Variants in HSBP1 observed in about 807,000 individuals in gnomAD.
The protein encoded by HSBP1 is heat shock factor binding protein 1.
In HSBP1, 5 loss-of-function variants were observed where a neutral mutation model predicts 9.6. The observed-to-expected ratio is 0.52, with a 90% CI of 0.27 to 1.09. The LOEUF (loss-of-function observed/expected upper bound fraction) is 1.09. Ranked by LOEUF, HSBP1 falls within the 50% of genes least tolerant of loss-of-function variation. The pLI, the probability that HSBP1 is intolerant of heterozygous loss-of-function variation, is 0.11. For synonymous variants in HSBP1, 42 were observed against 33.3 expected (o/e 1.26, Z -0.90); for missense variants, 121 against 96.3 (o/e 1.26, Z -1.07).
Position 83,808,724 on chromosome 16 carries a change from G to A in HSBP1, c.90G>A (p.Met30Ile). 6.2e-7 allele frequency: 1 copy of A among 1,612,540 alleles called. No individual in the cohort carries two copies. The highest frequency in any genetic ancestry group is 8.5e-7 in the Non-Finnish European group (1 of 1,178,816). ...AGATGCAAGATAAATTTCAGACCAT[G>A]TCTGACCAGATCATTGGGAGAAATA... ...LQQMQDKFQT[M>I]SDQIIGRIDD... Residue 30 changes from methionine to isoleucine, a missense_variant, in exon 2 of 4, where the codon ATG becomes ATA. Physicochemically the swap from Met to Ile is conservative, Grantham distance 10. Coordinates refer to ENST00000433866, the MANE Select transcript of HSBP1 (RefSeq NM_001537.4).
In HSBP1 at chr16:83,812,790, T is replaced by C. The variant is rs1348543241; in HGVS notation, c.*1372T>C. On this transcript the variant is annotated 3_prime_UTR_variant, in exon 4 of 4. Transcript: ENST00000433866. ...CGAATGCCCCACACACACTGCAGCATTGACCAGACCATCCGAAACCTGCGT... is the reference window on the plus strand; with the variant it reads ...CGAATGCCCCACACACACTGCAGCACTGACCAGACCATCCGAAACCTGCGT... 1 of 152,306 alleles carries C rather than the reference T, an allele frequency of 6.6e-6. No homozygotes were observed. Among genetic ancestry groups the C allele is most frequent in the Non-Finnish European group, 1.5e-5 (1 of 68,118 alleles). 9.4% of individuals were successfully genotyped at this position (152,306 alleles called of 1,614,324 possible). A position where few individuals can be genotyped will look rare whatever the true frequency, so the allele number is the denominator to read the frequency against.
At chr16:83,811,280 A>G (rs1904595331) in intron 3 of HSBP1, 141 bp from the exon 4 acceptor site, 1 of 152,224 alleles carries the variant, frequency 6.6e-6, no homozygotes, top group South Asian at 2.1e-4. Context: ...AGTTAAATCT[A>G]TTGCTAAAAT....
rs148507169 is a variant in HSBP1 at position 83,817,557 on chromosome 16, G to T, written c.*6139G>T. ...GCTGGAATTCATCTCCCTCTAATCA[G>T]CCTTCAAAACCTCCATTTGTAAACC... On this transcript the variant is annotated 3_prime_UTR_variant, in exon 4 of 4. Coordinates refer to ENST00000433866, the MANE Select transcript of HSBP1 (RefSeq NM_001537.4). 1.1e-3 allele frequency: 172 copies of T among 152,216 alleles called. 1 individual carries two copies. Among genetic ancestry groups the T allele is most frequent in the African/African-American group, 3.8e-3 (156 of 41,520 alleles). 9.4% of individuals were successfully genotyped at this position (152,216 alleles called of 1,614,324 possible). A position where few individuals can be genotyped will look rare whatever the true frequency, so the allele number is the denominator to read the frequency against.
chr16:83,809,220 C>T (rs1904538501), intron 2 of HSBP1, 85 bp from the exon 3 acceptor site: 1 of 812,878 alleles, frequency 1.2e-6, no homozygotes, highest in Non-Finnish European at 2.0e-6. Context: ...TCCCTAAAGT[C>T]GTTGTGTTTA....
chr16:83,808,636 C>T (rs751216700), intron 1 of HSBP1, 44 bp from the exon 2 acceptor site: 2 of 1,524,586 alleles, frequency 1.3e-6, no homozygotes, highest in Middle Eastern at 1.7e-4. Context: ...GAAGTTGTCT[C>T]AGGATCGATG....
Position 83,812,657 on chromosome 16 carries a change from A to G in HSBP1, c.*1239A>G, listed in dbSNP as rs1166884612. ...GCTGTATACAAATTACATGGGGAAC[A>G]TAAAGGAGTGAGATCCTTCTGTGAT... On this transcript the variant is annotated 3_prime_UTR_variant, in exon 4 of 4. Transcript: ENST00000433866. 1.3e-5 allele frequency: 2 copies of G among 152,246 alleles called. No individual in the cohort carries two copies. Among genetic ancestry groups the G allele is most frequent in the Non-Finnish European group, 2.9e-5 (2 of 68,050 alleles). 9.4% of individuals were successfully genotyped at this position (152,246 alleles called of 1,614,324 possible).
At chr16:83,808,531 C>T (rs1272927699) in intron 1 of HSBP1, 149 bp from the exon 2 acceptor site, 2 of 618,590 alleles carry the variant, frequency 3.2e-6, no homozygotes, top group Admixed American at 2.9e-5. Context: ...AAAACGGAAG[C>T]CCAGAGAAGG....
rs575135495 is a variant in HSBP1 at position 83,815,981 on chromosome 16, C to T, written c.*4563C>T. 2.0e-5 allele frequency: 3 copies of T among 152,264 alleles called. No homozygotes were observed. The East Asian group carries it at 5.8e-4, about 29-fold the overall frequency. The allele number at this position is 152,264 out of a possible 1,614,324, so 9.4% of individuals were successfully genotyped here. On this transcript the variant is annotated 3_prime_UTR_variant, in exon 4 of 4. Coordinates refer to ENST00000433866, the MANE Select transcript of HSBP1 (RefSeq NM_001537.4). ...GATTCAGGATCCAGCAGCTTAGAAG[C>T]GTTTAGCTACCAATAGCAAAAATCA...
chr16:83,818,778 A>G lies in HSBP1; in HGVS notation c.*7360A>G, dbSNP rs775798726. 10 of 152,142 alleles carry G rather than the reference A, an allele frequency of 6.6e-5. No individual in the cohort carries two copies. The highest frequency in any genetic ancestry group is 1.2e-4 in the Non-Finnish European group (8 of 68,018). The allele number at this position is 152,142 out of a possible 1,614,324, so 9.4% of individuals were successfully genotyped here. On this transcript the variant is annotated 3_prime_UTR_variant, in exon 4 of 4. Coordinates refer to ENST00000433866, the MANE Select transcript of HSBP1 (RefSeq NM_001537.4). Reference sequence around the variant, plus strand: ...GGCAGAATTCATTCTCCTGCTCTCTACTGGGACTTGTTTTCCATAATTGGT... The same window carrying G: ...GGCAGAATTCATTCTCCTGCTCTCTGCTGGGACTTGTTTTCCATAATTGGT...
rs1243151038 is a variant in HSBP1, at chr16:83,813,288, T to C, written c.*1870T>C. ...TCACTTGGGTTTAGACGACATTCTG[T>C]GAACCTCATGAAGAAATTAGCATAT... On this transcript the variant is annotated 3_prime_UTR_variant, in exon 4 of 4. Coordinates refer to ENST00000433866, the MANE Select transcript of HSBP1 (RefSeq NM_001537.4). 1 of 152,230 alleles carries C rather than the reference T, an allele frequency of 6.6e-6. No homozygotes were observed. The highest frequency in any genetic ancestry group is 2.4e-5 in the African/African-American group (1 of 41,438). The allele number at this position is 152,230 out of a possible 1,614,324, so 9.4% of individuals were successfully genotyped here. A position where few individuals can be genotyped will look rare whatever the true frequency, so the allele number is the denominator to read the frequency against.
intron 3 of HSBP1, 39 bp from the exon 4 acceptor site, chr16:83,811,382 T>C (rs1904597616): frequency 6.6e-6 from 1 of 152,264 alleles, no homozygotes; most frequent in Admixed American, 6.5e-5. Context: ...TGTGCTCATA[T>C]AATGAAAAAC....
At chr16:83,809,171 A>G (rs567979198) in intron 2 of HSBP1, 134 bp from the exon 3 acceptor site, 1 of 630,700 alleles carries the variant, frequency 1.6e-6, no homozygotes, top group Non-Finnish European at 2.8e-6. Flanking sequence ...CTTACCCACC[A>G]GCGTGTAACA....
chr16:83,809,137 AGCCATG>A (rs1444282840), intron 2 of HSBP1, 162 bp from the exon 3 acceptor site: 1 of 572,040 alleles, frequency 1.7e-6, no homozygotes, highest in Non-Finnish European at 3.1e-6. Flanking sequence ...GATGCGGGGT[AGCCATG>A]CCCCACAGTC....
intron 3 of HSBP1, 42 bp from the exon 4 acceptor site, chr16:83,811,379 A>T (rs1055173743): frequency 6.6e-6 from 1 of 152,250 alleles, no homozygotes; most frequent in Admixed American, 6.5e-5. Context: ...ACTTGTGCTC[A>T]TATAATGAAA....
At chr16:83,809,858 G>C (rs1053987086) in intron 3 of HSBP1, among the ~76,000 whole-genome samples, 2 of 152,112 alleles carry the variant, frequency 1.3e-5, no homozygotes, top group Non-Finnish European at 2.9e-5. Context: ...TCCCAGCCAT[G>C]ATCCCAGCAA....
chr16:83,817,459 G>C lies in HSBP1; in HGVS notation c.*6041G>C, dbSNP rs1270138070. ...TCCTGGGCCAGGTATGGCGCTAGCT[G>C]CTTTCACCTGTATCATCTCATTCAC... is the stretch of plus-strand genomic sequence containing the variant. On this transcript the variant is annotated 3_prime_UTR_variant, in exon 4 of 4. Coordinates refer to ENST00000433866, the MANE Select transcript of HSBP1 (RefSeq NM_001537.4). 6.6e-6 allele frequency: 1 copy of C among 152,238 alleles called. No homozygotes were observed. Among genetic ancestry groups the C allele is most frequent in the African/African-American group, 2.4e-5 (1 of 41,462 alleles). The allele number at this position is 152,238 out of a possible 1,614,324, so 9.4% of individuals were successfully genotyped here. A position where few individuals can be genotyped will look rare whatever the true frequency, so the allele number is the denominator to read the frequency against.
intron 2 of HSBP1, 82 bp from the exon 3 acceptor site, chr16:83,809,223 T>C: frequency 1.2e-6 from 1 of 839,760 alleles, no homozygotes; most frequent in Non-Finnish European, 1.9e-6. Context: ...CTAAAGTCGT[T>C]GTGTTTAAGG....
At position 83,809,385 on chromosome 16, in the gene HSBP1, G is replaced by C; in HGVS notation, c.193G>C (p.Glu65Gln). 6.2e-7 allele frequency: 1 copy of C among 1,604,452 alleles called. No individual in the cohort carries two copies. Among genetic ancestry groups the C allele is most frequent in the African/African-American group, 1.3e-5 (1 of 74,750 alleles). ...GACACAGGCTGGGGTGGAAGAACTGGAAAGTGAAAACAAGATACCTGCCAC... is the reference window on the plus strand; with the variant it reads ...GACACAGGCTGGGGTGGAAGAACTGCAAAGTGAAAACAAGATACCTGCCAC... ...LMTQAGVEELESENKIPATQK... is the reference protein window; with the variant it reads ...LMTQAGVEELQSENKIPATQK... Residue 65 changes from glutamate (E) to glutamine (Q), a missense_variant, in exon 3 of 4, where the codon GAA becomes CAA. Glu to Gln is a conservative substitution (Grantham distance 29). Transcript: ENST00000433866.
intron 2 of HSBP1, chr16:83,809,021 A>G: frequency 5.5e-6 from 3 of 549,026 alleles, no homozygotes; most frequent in South Asian, 4.9e-5. Context: ...GTGTCTTTTG[A>G]TGCTCAGCAT....
Sources: gnomAD v4.1 joint callset for allele counts (sites outside exome capture counted in the v4.1 genomes callset) on GRCh38, gnomAD v4.1.1 for gene constraint, MANE v1.5 for transcripts, NCBI Gene and HGNC (gene_info 2026-07-23, HGNC 2026-07-21) for gene names.